ARHGEF39: variants seen among roughly 807,000 people sequenced by gnomAD.
ARHGEF39 encodes Rho guanine nucleotide exchange factor 39, also known as Rho guanine nucleotide exchange factor (GEF) 39.
Under a neutral mutation model 47.5 loss-of-function variants are expected in ARHGEF39, and 45 were observed. The ratio of observed to expected loss-of-function variants is 0.95; its 90% CI spans 0.75 to 1.22. The LOEUF is 1.22. Among genes scored for constraint, ARHGEF39 ranks in the 50% most tolerant of loss-of-function variants. The probability of loss-of-function intolerance (pLI) is 0.00; values close to 1 mark genes in which losing one functional copy is unlikely to be tolerated. For missense variants in ARHGEF39, 411 were observed against 425.3 expected (o/e 0.97, Z 0.30); for synonymous variants, 164 against 167.8 (o/e 0.98, Z 0.17).
Position 35,665,176 on chromosome 9 carries a change from G to A in ARHGEF39, c.-7C>T, listed in dbSNP as rs1332295125. The A allele has an allele frequency of 1.4e-6, 2 of 1,474,248 alleles. No individual in the cohort carries two copies. The highest frequency in any genetic ancestry group is 2.2e-4 in the Middle Eastern group (1 of 4,548). The allele number at this position is 1,474,248 out of a possible 1,614,324, so 91.3% of individuals were successfully genotyped here. On this transcript the variant is annotated 5_prime_UTR_variant, in exon 1 of 9. Transcript: ENST00000378387. ...CGGGGCAGGAGAGCTCCATGCCCTGGCTGAGGGATCGACACTTCCGGCTGC... is the reference window on the plus strand; with the variant it reads ...CGGGGCAGGAGAGCTCCATGCCCTGACTGAGGGATCGACACTTCCGGCTGC...
rs1332287987 is a variant in ARHGEF39, at chr9:35,660,810, C to G, written c.*1177G>C. The G allele has an allele frequency of 6.2e-7, 1 of 1,614,202 alleles. No individual in the cohort carries two copies. The highest frequency in any genetic ancestry group is 8.5e-7 in the Non-Finnish European group (1 of 1,180,040). On this transcript the variant is annotated 3_prime_UTR_variant, in exon 9 of 9. Coordinates refer to ENST00000378387, the MANE Select transcript of ARHGEF39 (RefSeq NM_032818.3). Reference sequence around the variant, plus strand: ...CATGAAGCTATGGACCATCCACGAGCTGCTGCAAGATAGCAAGCCGGACAA... The same window carrying G: ...CATGAAGCTATGGACCATCCACGAGGTGCTGCAAGATAGCAAGCCGGACAA...
rs1375729713 is a variant in ARHGEF39, at chr9:35,665,154, G to A, written c.16C>T (p.Pro6Ser). 6.5e-7 allele frequency: 1 copy of A among 1,528,822 alleles called. No individual in the cohort carries two copies. Among genetic ancestry groups the A allele is most frequent in the African/African-American group, 1.4e-5 (1 of 72,722 alleles). The allele number at this position is 1,528,822 out of a possible 1,614,324, so 94.7% of individuals were successfully genotyped here. A position where few individuals can be genotyped will look rare whatever the true frequency, so the allele number is the denominator to read the frequency against. The change falls in exon 1 of 9, where the codon CCC becomes TCC. Residue 6 changes from proline (P) to serine (S), a missense_variant. By Grantham distance (74) the Pro-to-Ser change is moderately conservative. Coordinates refer to ENST00000378387, the MANE Select transcript of ARHGEF39 (RefSeq NM_032818.3). MELSC[P>S]GSRCPVQEQR... ...TCTTGCACCGGGCACCGCGAACCGG[G>A]GCAGGAGAGCTCCATGCCCTGGCTG...
At chr9:35,663,973 AAGAG>A (rs764839566) in intron 4 of ARHGEF39, 31 bp downstream of exon 4, 34 of 1,595,716 alleles carry the variant, frequency 2.1e-5, no homozygotes, top group African/African-American at 8.0e-5. Context: ...TACAAACTAA[AAGAG>A]AGAGGCGGCT....
chr9:35,663,432 C>T, intron 4 of ARHGEF39, 40 bp from the exon 5 acceptor site: 1 of 1,563,012 alleles, frequency 6.4e-7, no homozygotes, highest in Non-Finnish European at 8.8e-7. Context: ...GAAGCAGAGC[C>T]AGGCAGAATT....
intron 3 of ARHGEF39, 112 bp downstream of exon 3, chr9:35,664,260 C>A (rs1411848412): frequency 4.6e-6 from 7 of 1,523,288 alleles, no homozygotes; most frequent in Non-Finnish European, 6.2e-6. Flanking sequence ...AAGGAACTTA[C>A]CACAGAGCTG....
Position 35,660,317 on chromosome 9 carries a change from C to G in ARHGEF39, c.*1670G>C, listed in dbSNP as rs1399323408. The G allele has an allele frequency of 8.3e-7, 1 of 1,210,744 alleles. No homozygotes were observed. The highest frequency in any genetic ancestry group is 1.2e-6 in the Non-Finnish European group (1 of 857,042). The allele number at this position is 1,210,744 out of a possible 1,614,324, so 75.0% of individuals were successfully genotyped here. ...ATCACTGTCTCCATCTCAAATTGCACTCTCTCTTGGCTGGCTCTGGAGACT... is the reference window on the plus strand; with the variant it reads ...ATCACTGTCTCCATCTCAAATTGCAGTCTCTCTTGGCTGGCTCTGGAGACT... On this transcript the variant is annotated 3_prime_UTR_variant, in exon 9 of 9. Coordinates refer to ENST00000378387, the MANE Select transcript of ARHGEF39 (RefSeq NM_032818.3).
In ARHGEF39 at chr9:35,664,001, C is replaced by T; in HGVS notation, c.473+7G>A. On this transcript the variant is annotated splice_region_variant and intron_variant, in intron 4 of 8. Coordinates refer to ENST00000378387, the MANE Select transcript of ARHGEF39 (RefSeq NM_032818.3). ...AGAGAGGCGGCTGGAATCAAGAGTT[C>T]ACTCACTGCTGGAGCCGTTGCAGAG... is the stretch of plus-strand genomic sequence containing the variant. 1 of 1,612,078 alleles carries T rather than the reference C, an allele frequency of 6.2e-7. No homozygotes were observed. The highest frequency in any genetic ancestry group is 8.5e-7 in the Non-Finnish European group (1 of 1,178,132).
In ARHGEF39 at chr9:35,663,346, T is replaced by C. The variant is rs1824074365; in HGVS notation, c.520A>G (p.Ser174Gly). 2 of 1,614,064 alleles carry C rather than the reference T, an allele frequency of 1.2e-6. No homozygotes were observed. The highest frequency in any genetic ancestry group is 4.5e-5 in the East Asian group (2 of 44,888). ...CGTGTGAGCTGTTGATGGTCAGGGC[T>C]GTTGGGACCTGTGTTTTCAGCCAAA... ...VALAENTGPN[S>G]PDHQQLTRAA... Residue 174 changes from serine (S) to glycine (G), a missense_variant, in exon 5 of 9, where the codon AGC becomes GGC. Ser to Gly is a moderately conservative substitution (Grantham distance 56). Transcript: ENST00000378387.
chr9:35,663,795 T>C (rs910931398), intron 4 of ARHGEF39, among the ~76,000 whole-genome samples: 2 of 152,138 alleles, frequency 1.3e-5, no homozygotes, highest in Non-Finnish European at 2.9e-5. Context: ...CTCACTTCAA[T>C]TTAAAGTTCC....
rs756847653 is a variant in ARHGEF39, at chr9:35,663,039, C to G, written c.580G>C (p.Val194Leu). The G allele has an allele frequency of 1.3e-5, 21 of 1,612,108 alleles. No homozygotes were observed. In the East Asian group the frequency reaches 3.8e-4, roughly 29 times the overall value. The change falls in exon 6 of 9, where the codon GTC becomes CTC. Residue 194 changes from valine (V) to leucine (L), a missense_variant. Coordinates refer to ENST00000378387, the MANE Select transcript of ARHGEF39 (RefSeq NM_032818.3). The part of the protein sequence containing the change: ...ARLISETAQR[V>L]HTIGQKQKND... Reference sequence around the variant, plus strand: ...TTCTGTTTCTGACCAATAGTATGGACTCTCTGGGCAGTCTCACTTATCAGT... The same window carrying G: ...TTCTGTTTCTGACCAATAGTATGGAGTCTCTGGGCAGTCTCACTTATCAGT...
chr9:35,663,903 G>T, intron 4 of ARHGEF39, 105 bp downstream of exon 4: 1 of 1,238,142 alleles, frequency 8.1e-7, no homozygotes, highest in Non-Finnish European at 1.2e-6. Flanking sequence ...TTGGCTCAGG[G>T]TCGAGGCAAG....
rs958410728 is a variant in ARHGEF39, at chr9:35,661,877, T to C, written c.*110A>G. 4.5e-6 allele frequency: 6 copies of C among 1,341,698 alleles called. No homozygotes were observed. The highest frequency in any genetic ancestry group is 5.1e-6 in the Non-Finnish European group (5 of 974,136). 83.1% of individuals were successfully genotyped at this position (1,341,698 alleles called of 1,614,324 possible). On this transcript the variant is annotated 3_prime_UTR_variant, in exon 9 of 9. Coordinates refer to ENST00000378387, the MANE Select transcript of ARHGEF39 (RefSeq NM_032818.3). ...TGGTCCAGGCAAACAGAAAGTGACC[T>C]TTGTCAAATCATGAAGGGTTCTGTT... is the stretch of plus-strand genomic sequence containing the variant.
chr9:35,661,828 T>G lies in ARHGEF39; in HGVS notation c.*159A>C. ...TGTGCCTGGCCGTGATTTTTAAGAG[T>G]TGGTCAGATGATCTGGAGTAGCTTG... is the stretch of plus-strand genomic sequence containing the variant. On this transcript the variant is annotated 3_prime_UTR_variant, in exon 9 of 9. Coordinates refer to ENST00000378387, the MANE Select transcript of ARHGEF39 (RefSeq NM_032818.3). 1 of 821,938 alleles carries G rather than the reference T, an allele frequency of 1.2e-6. No homozygotes were observed. Among genetic ancestry groups the G allele is most frequent in the South Asian group, 1.9e-5 (1 of 52,820 alleles). The allele number at this position is 821,938 out of a possible 1,614,324, so 50.9% of individuals were successfully genotyped here. A position where few individuals can be genotyped will look rare whatever the true frequency, so the allele number is the denominator to read the frequency against.
intron 7 of ARHGEF39, 78 bp from the exon 8 acceptor site, chr9:35,662,345 C>G: frequency 6.8e-7 from 1 of 1,472,776 alleles, no homozygotes. Flanking sequence ...TTCCATGGAG[C>G]TAATTCAGGG....
Position 35,660,812 on chromosome 9 carries a change from G to A in ARHGEF39, c.*1175C>T. On this transcript the variant is annotated 3_prime_UTR_variant, in exon 9 of 9. Coordinates refer to ENST00000378387, the MANE Select transcript of ARHGEF39 (RefSeq NM_032818.3). ...TGAAGCTATGGACCATCCACGAGCT[G>A]CTGCAAGATAGCAAGCCGGACAAGG... The A allele has an allele frequency of 6.8e-6, 11 of 1,614,180 alleles. No homozygotes were observed. The highest frequency in any genetic ancestry group is 9.3e-6 in the Non-Finnish European group (11 of 1,180,044).
At position 35,661,801 on chromosome 9, in the gene ARHGEF39, A is replaced by T; in HGVS notation, c.*186T>A. On this transcript the variant is annotated 3_prime_UTR_variant, in exon 9 of 9. Transcript: ENST00000378387. Reference sequence around the variant, plus strand: ...AGTGCTGGGATTACAGGCATGAGCCACTGTGCCTGGCCGTGATTTTTAAGA... The same window carrying T: ...AGTGCTGGGATTACAGGCATGAGCCTCTGTGCCTGGCCGTGATTTTTAAGA... 1 of 652,228 alleles carries T rather than the reference A, an allele frequency of 1.5e-6. No individual in the cohort carries two copies. Among genetic ancestry groups the T allele is most frequent in the Non-Finnish European group, 2.6e-6 (1 of 389,164 alleles). The allele number at this position is 652,228 out of a possible 1,614,324, so 40.4% of individuals were successfully genotyped here. A position where few individuals can be genotyped will look rare whatever the true frequency, so the allele number is the denominator to read the frequency against.
intron 1 of ARHGEF39, 67 bp downstream of exon 1, chr9:35,664,965 C>T: frequency 6.6e-7 from 1 of 1,506,890 alleles, no homozygotes; most frequent in Non-Finnish European, 8.9e-7. Context: ...GGTTACCGAC[C>T]TCGCAGAGAC....
chr9:35,663,260 A>G, intron 5 of ARHGEF39, 62 bp downstream of exon 5: 2 of 1,586,038 alleles, frequency 1.3e-6, no homozygotes, highest in Non-Finnish European at 1.7e-6. Context: ...TGGAGGTCAG[A>G]ATCAGAAAGG....
At chr9:35,664,532 A>G in intron 2 of ARHGEF39, 40 bp from the exon 3 acceptor site, 1 of 1,557,466 alleles carries the variant, frequency 6.4e-7, no homozygotes, top group Non-Finnish European at 8.7e-7. Flanking sequence ...CTCTAGAACC[A>G]CTCAAGCACC....
Sources: allele counts gnomAD v4.1 joint callset (sites outside exome capture counted in the v4.1 genomes callset), GRCh38; gene constraint gnomAD v4.1.1; transcripts MANE v1.5; gene names NCBI Gene and HGNC (gene_info 2026-07-23, HGNC 2026-07-21).